AP2A2: variants seen among roughly 807,000 people sequenced by gnomAD.
AP2A2 encodes adaptor related protein complex 2 subunit alpha 2.
A neutral mutation model predicts 104.2 loss-of-function variants in AP2A2; 32 were observed. The observed-to-expected ratio is 0.31, with a 90% CI of 0.23 to 0.41. AP2A2 has a LOEUF of 0.41. Among genes scored for constraint, AP2A2 ranks in the 10% least tolerant of loss-of-function variants. The pLI is 1.00. For missense variants in AP2A2, 912 were observed against 1,261.0 expected, an observed-to-expected ratio of 0.72 and a Z score of 4.19; for synonymous variants, 539 against 533.3, an observed-to-expected ratio of 1.01 and a Z score of -0.15.
Position 993,898 on chromosome 11 carries a change from C to T in AP2A2, c.1695C>T (p.Asp565=). The T allele has an allele frequency of 6.2e-7, 1 of 1,611,336 alleles. No individual in the cohort carries two copies. The highest frequency in any genetic ancestry group is 2.2e-5 in the East Asian group (1 of 44,848). Residue 565 remains aspartate (D), a synonymous_variant, in exon 13 of 22, where the codon GAC becomes GAT. Coordinates refer to ENST00000448903, the MANE Select transcript of AP2A2 (RefSeq NM_012305.4). The surrounding 1 kb of genome is among the most constrained non-coding windows in gnomAD (Gnocchi z 8.2). The part of the protein sequence containing the change: ...KPTIQDVLRS[D]SQLRNADVEL... ...CCATCCAGGACGTGCTGCGCAGCGA[C>T]AGCCAGCTCAGGAACGCAGACGTGG... is the stretch of plus-strand genomic sequence containing the variant.
chr11:972,896 C>T lies in AP2A2; in HGVS notation c.473+641C>T, dbSNP rs1417086509. Among the ~76,000 whole-genome samples, 6 of 152,360 alleles carry T rather than the reference C, an allele frequency of 3.9e-5. No individual in the cohort carries two copies. In the South Asian group the frequency reaches 1.2e-3, roughly 32 times the overall value. On this transcript the variant is annotated intron_variant, in intron 4 of 21. Coordinates refer to ENST00000448903, the MANE Select transcript of AP2A2 (RefSeq NM_012305.4). The stretch of plus-strand genomic sequence containing the variant: ...CGTGCCCGTTCCCCAGGGCTTCACG[C>T]GGAGAAGCCGAGCACCGCGCCGGAG...
intron 16 of AP2A2, among the ~76,000 whole-genome samples, chr11:1,005,011 G>A (rs1044720912): frequency 6.6e-6 from 1 of 152,098 alleles, no homozygotes; most frequent in African/African-American, 2.4e-5. Flanking sequence ...TGAAAGCTGG[G>A]TCTTAAAGAG....
intron 4 of AP2A2, among the ~76,000 whole-genome samples, chr11:973,442 G>T (rs1854902503): frequency 6.6e-6 from 1 of 152,184 alleles, no homozygotes; most frequent in Non-Finnish European, 1.5e-5. Flanking sequence ...AGCCCGGCTG[G>T]CAGAGAGACC....
At chr11:946,895 TG>T (rs1196084286) in intron 1 of AP2A2, 2 of 151,936 alleles carry the variant, frequency 1.3e-5, no homozygotes, top group Non-Finnish European at 2.9e-5. Context: ...GGACACTAGG[TG>T]GTAGGATACG....
At chr11:928,667 G>A (rs563548208) in intron 1 of AP2A2, among the ~76,000 whole-genome samples, 4 of 152,228 alleles carry the variant, frequency 2.6e-5, no homozygotes, top group African/African-American at 4.8e-5. Context: ...AAAGTTGTCC[G>A]CCGTCGAGAA....
intron 1 of AP2A2, among the ~76,000 whole-genome samples, chr11:930,525 A>T (rs1432213624): frequency 2.7e-5 from 4 of 146,554 alleles, no homozygotes; most frequent in African/African-American, 5.0e-5. Flanking sequence ...CAGTTTTAGA[A>T]TTTTTTTTTT....
intron 14 of AP2A2, among the ~76,000 whole-genome samples, chr11:996,866 C>T (rs534949719): frequency 1.7e-4 from 26 of 151,800 alleles, no homozygotes; most frequent in South Asian, 6.3e-4. Flanking sequence ...TGGGCACCTC[C>T]GTCCTGACTG....
At chr11:985,667 C>A in intron 8 of AP2A2, 85 bp downstream of exon 8, 1 of 1,567,446 alleles carries the variant, frequency 6.4e-7, no homozygotes, top group South Asian at 1.1e-5. Flanking sequence ...CGGATCATGT[C>A]TGGTTTGTCC....
intron 5 of AP2A2, among the ~76,000 whole-genome samples, chr11:978,219 G>A (rs4074231): frequency 6.6e-6 from 1 of 151,938 alleles, no homozygotes; most frequent in Non-Finnish European, 1.5e-5. Flanking sequence ...CATGGCAGCC[G>A]GTCACTGGGC....
intron 1 of AP2A2, among the ~76,000 whole-genome samples, chr11:929,209 G>A (rs1020316287): frequency 4.6e-5 from 7 of 152,232 alleles, no homozygotes; most frequent in Non-Finnish European, 8.8e-5. Context: ...GTCACAGGCA[G>A]AGGGGTCCCC....
chr11:991,369 G>T (rs2133734093), intron 10 of AP2A2, among the ~76,000 whole-genome samples: 1 of 152,352 alleles, frequency 6.6e-6, no homozygotes, highest in South Asian at 2.1e-4. Flanking sequence ...TGTTCTGGGG[G>T]CCTCAGGAGG....
At chr11:957,257 A>T (rs975746620) in intron 1 of AP2A2, among the ~76,000 whole-genome samples, 1 of 152,210 alleles carries the variant, frequency 6.6e-6, no homozygotes, top group Non-Finnish European at 1.5e-5. Context: ...AGGGATCCCC[A>T]TGTGTTCAGT....
chr11:969,475 C>A lies in AP2A2; in HGVS notation c.137-694C>A, dbSNP rs372508515. Among the ~76,000 whole-genome samples, 23 of 152,228 alleles carry A rather than the reference C, an allele frequency of 1.5e-4. No homozygotes were observed. In the East Asian group the frequency reaches 1.5e-3, roughly 10 times the overall value. ...TCCTGACCTCAGGTGATCCACCTGC[C>A]TCGGCCTCCCAAAGTTCTGGGATTA... On this transcript the variant is annotated intron_variant, in intron 2 of 21. Transcript: ENST00000448903.
Position 1,011,613 on chromosome 11 carries a change from G to T in AP2A2, c.*988G>T. 2.5e-6 allele frequency: 1 copy of T among 405,408 alleles called. No homozygotes were observed. The highest frequency in any genetic ancestry group is 5.0e-6 in the Non-Finnish European group (1 of 201,092). The allele number at this position is 405,408 out of a possible 1,614,324, so 25.1% of individuals were successfully genotyped here. ...AGGCTGCACGTCTGACACCTGAGAG[G>T]CGAGAGAGTGGGGCCGGCCTAGGAG... is the stretch of plus-strand genomic sequence containing the variant. On this transcript the variant is annotated 3_prime_UTR_variant, in exon 22 of 22. Transcript: ENST00000448903.
At chr11:933,629 G>A (rs564100155) in intron 1 of AP2A2, 65 of 456,176 alleles carry the variant, frequency 1.4e-4, no homozygotes, top group Non-Finnish European at 7.5e-5. Context: ...TTTAAATAGC[G>A]CCCTGGAGAC....
intron 6 of AP2A2, among the ~76,000 whole-genome samples, chr11:984,335 G>GCT (rs1399158043): frequency 1.3e-5 from 2 of 152,114 alleles, no homozygotes; most frequent in Non-Finnish European, 2.9e-5. Context: ...GGAGGCTAAA[G>GCT]CTCTCTCTCT....
At chr11:944,903 A>T (rs1347760452) in intron 1 of AP2A2, among the ~76,000 whole-genome samples, 1 of 137,436 alleles carries the variant, frequency 7.3e-6, no homozygotes, top group Non-Finnish European at 1.6e-5. Context: ...AAGGTGGGGG[A>T]CAGGTGGAGT....
intron 18 of AP2A2, chr11:1,008,518 G>A (rs747702090): frequency 3.5e-5 from 8 of 229,054 alleles, no homozygotes; most frequent in African/African-American, 6.9e-5. Flanking sequence ...TGGGGGGCGC[G>A]TTTTTTGCTC....
At chr11:988,720 T>C in intron 10 of AP2A2, 31 bp downstream of exon 10, 1 of 1,611,530 alleles carries the variant, frequency 6.2e-7, no homozygotes, top group Non-Finnish European at 8.5e-7. Context: ...AGTCCTCTCC[T>C]GCCACAGGCG....
Sources: allele counts gnomAD v4.1 joint callset (sites outside exome capture counted in the v4.1 genomes callset), GRCh38; gene constraint gnomAD v4.1.1; non-coding constraint Gnocchi (gnomAD v3.1); transcripts MANE v1.5; gene names NCBI Gene and HGNC (gene_info 2026-07-23, HGNC 2026-07-21).